The following PALLD variants were observed in gnomAD, a reference collection of about 807,000 sequenced individuals.
PALLD encodes palladin, cytoskeletal associated protein.
PALLD carries 61 observed loss-of-function variants against 123.5 expected under a neutral mutation model. The observed-to-expected ratio is 0.49, with a 90% CI of 0.40 to 0.61. The LOEUF (loss-of-function observed/expected upper bound fraction) is 0.61. Ranked by LOEUF, PALLD falls within the 20% of genes least tolerant of loss-of-function variation. PALLD has a pLI of 0.00. For synonymous variants in PALLD, 465 were observed against 496.4 expected, an observed-to-expected ratio of 0.94 and a Z score of 0.84; for missense variants, 1,273 against 1,377.0, an observed-to-expected ratio of 0.92 and a Z score of 1.20.
chr4:168,497,288 AT>A (rs1760846875), intron 1 of PALLD, 94 bp downstream of exon 1: 1 of 152,044 alleles, frequency 6.6e-6, no homozygotes, highest in Non-Finnish European at 1.5e-5. Context: ...TTTTCTGAAG[AT>A]ATGATACTAT....
At chr4:168,798,498 T>C (rs1049279718) in intron 10 of PALLD, among the ~76,000 whole-genome samples, 1 of 152,170 alleles carries the variant, frequency 6.6e-6, no homozygotes, top group Non-Finnish European at 1.5e-5. Flanking sequence ...TTGGTAAAAT[T>C]TTCTTACCGC....
At chr4:168,773,306 C>T (rs555445676) in intron 10 of PALLD, among the ~76,000 whole-genome samples, 1 of 152,304 alleles carries the variant, frequency 6.6e-6, no homozygotes, top group South Asian at 2.1e-4. Context: ...AATGGAAACA[C>T]ACTCTGAACA....
intron 18 of PALLD, among the ~76,000 whole-genome samples, chr4:168,923,291 G>C (rs1253874012): frequency 6.6e-6 from 1 of 152,226 alleles, no homozygotes; most frequent in African/African-American, 2.4e-5. Context: ...TGGTGTTGGA[G>C]AGTATTAAGC....
chr4:168,529,242 C>T (rs993324238), intron 2 of PALLD, among the ~76,000 whole-genome samples: 4 of 151,528 alleles, frequency 2.6e-5, no homozygotes, highest in Non-Finnish European at 4.4e-5. Flanking sequence ...GAGACTAAGG[C>T]AAGAGAATTG....
At chr4:168,849,968 C>T (rs912088145) in intron 10 of PALLD, among the ~76,000 whole-genome samples, 1 of 152,086 alleles carries the variant, frequency 6.6e-6, no homozygotes, top group Admixed American at 6.5e-5. Flanking sequence ...TGCATTTGCT[C>T]ATCTTTGGTG....
intron 2 of PALLD, among the ~76,000 whole-genome samples, chr4:168,591,055 T>G (rs955262153): frequency 3.3e-5 from 5 of 151,948 alleles, no homozygotes; most frequent in Admixed American, 2.6e-4. Flanking sequence ...AATTTTGCAC[T>G]TTTAGTAGAG....
intron 10 of PALLD, among the ~76,000 whole-genome samples, chr4:168,826,107 A>C (rs1050703027): frequency 1.3e-5 from 2 of 152,176 alleles, no homozygotes; most frequent in African/African-American, 4.8e-5. Context: ...AATTCTCACT[A>C]TGCCTCTTTA....
intron 10 of PALLD, among the ~76,000 whole-genome samples, chr4:168,841,312 G>C (rs913978072): frequency 6.6e-6 from 1 of 152,168 alleles, no homozygotes; most frequent in African/African-American, 2.4e-5. Flanking sequence ...TGCATCAAGG[G>C]CAACTGCAGA....
rs1359263833 is a variant in PALLD at position 168,869,987 on chromosome 4, G to A, written c.1965-20935G>A. On this transcript the variant is annotated intron_variant, in intron 10 of 21. Transcript: ENST00000505667. The surrounding 1 kb of genome is among the most constrained non-coding windows in gnomAD (Gnocchi z 4.5). ...TTGTTAGTGATGTCAAGGGAGAAGAGTGCTTCAAGAAAGATGGAGTGGGTG... is the reference window on the plus strand; with the variant it reads ...TTGTTAGTGATGTCAAGGGAGAAGAATGCTTCAAGAAAGATGGAGTGGGTG... 2.6e-5 allele frequency among the ~76,000 whole-genome samples: 4 copies of A among 152,212 alleles called. No individual in the cohort carries two copies. Among genetic ancestry groups the A allele is most frequent in the African/African-American group, 9.7e-5 (4 of 41,444 alleles).
intron 10 of PALLD, among the ~76,000 whole-genome samples, chr4:168,807,727 T>TA (rs1370039095): frequency 9.2e-5 from 14 of 151,996 alleles, no homozygotes; most frequent in Non-Finnish European, 1.6e-4. Context: ...TCCTTTGAGA[T>TA]AGAGTTTCAC....
intron 1 of PALLD, among the ~76,000 whole-genome samples, chr4:168,504,185 T>G (rs62333822): frequency 0.087 from 13,220 of 152,194 alleles, 836 homozygotes; most frequent in Non-Finnish European, 0.12. Flanking sequence ...AACTTACTAT[T>G]CCAGGAAAGG....
intron 2 of PALLD, among the ~76,000 whole-genome samples, chr4:168,593,041 G>T (rs1415641234): frequency 6.6e-6 from 1 of 151,670 alleles, no homozygotes; most frequent in Non-Finnish European, 1.5e-5. Context: ...AGTCAACTAT[G>T]CAAAAATTAC....
intron 9 of PALLD, among the ~76,000 whole-genome samples, chr4:168,710,374 A>G (rs1204176304): frequency 6.6e-6 from 1 of 151,944 alleles, no homozygotes; most frequent in East Asian, 1.9e-4. Context: ...ATTCATCTTA[A>G]AGATATTTTT....
At chr4:168,783,480 G>A (rs186966782) in intron 10 of PALLD, among the ~76,000 whole-genome samples, 99 of 152,196 alleles carry the variant, frequency 6.5e-4, no homozygotes, top group African/African-American at 2.2e-3. Context: ...CTAGGGGAGA[G>A]GTGATGAGAC....
rs1762556831 is a variant in PALLD, at chr4:168,511,855, T to G, written c.351T>G (p.Val117=). Residue 117 remains valine, a synonymous_variant, in exon 2 of 22, where the codon GTT becomes GTG. Coordinates refer to ENST00000505667, the MANE Select transcript of PALLD (RefSeq NM_001166108.2). The part of the protein sequence containing the change: ...EKQTKSISSP[V]SKRKPAMSPL... ...AAACTAAGAGTATCTCTTCACCTGTTTCAAAGAGGAAACCTGCCATGTCAC... is the reference window on the plus strand; with the variant it reads ...AAACTAAGAGTATCTCTTCACCTGTGTCAAAGAGGAAACCTGCCATGTCAC... The G allele has an allele frequency of 6.2e-7, 1 of 1,614,058 alleles. No individual in the cohort carries two copies. Among genetic ancestry groups the G allele is most frequent in the Non-Finnish European group, 8.5e-7 (1 of 1,179,972 alleles).
At chr4:168,706,086 ATGT>A (rs1784203515) in intron 8 of PALLD, among the ~76,000 whole-genome samples, 1 of 152,184 alleles carries the variant, frequency 6.6e-6, no homozygotes, top group African/African-American at 2.4e-5. Flanking sequence ...TGTATGCTTA[ATGT>A]TGTGCAGCAG....
At chr4:168,519,712 G>C (rs1444482189) in intron 2 of PALLD, among the ~76,000 whole-genome samples, 1 of 151,956 alleles carries the variant, frequency 6.6e-6, no homozygotes, top group Non-Finnish European at 1.5e-5. Context: ...GACCTGGTTA[G>C]GACTAGTGAG....
chr4:168,927,561 A>G lies in PALLD; in HGVS notation c.*1381A>G. On this transcript the variant is annotated 3_prime_UTR_variant, in exon 22 of 22. Transcript: ENST00000505667. ...GTCTACTTGAAGGAAGTGGAGACATAAGGAGAGACAAAAACAGGTTTGTGC... is the reference window on the plus strand; with the variant it reads ...GTCTACTTGAAGGAAGTGGAGACATGAGGAGAGACAAAAACAGGTTTGTGC... 4.3e-6 allele frequency: 1 copy of G among 230,608 alleles called. No individual in the cohort carries two copies. The allele number at this position is 230,608 out of a possible 1,614,324, so 14.3% of individuals were successfully genotyped here. A position where few individuals can be genotyped will look rare whatever the true frequency, so the allele number is the denominator to read the frequency against.
Position 168,683,019 on chromosome 4 carries a change from T to C in PALLD, c.1176T>C (p.Ser392=), listed in dbSNP as rs1781705899. The C allele has an allele frequency of 6.2e-7, 1 of 1,610,510 alleles. No individual in the cohort carries two copies. The highest frequency in any genetic ancestry group is 8.5e-7 in the Non-Finnish European group (1 of 1,176,942). Residue 392 remains serine, a synonymous_variant, in exon 5 of 22, where the codon TCT becomes TCC. Coordinates refer to ENST00000505667, the MANE Select transcript of PALLD (RefSeq NM_001166108.2). ...CCAGAGCTCAAAAGAAAACAACTTC[T>C]GTTTCCTTGACAATAGGATCATCAT... ...AMPQAQKKTT[S]VSLTIGSSSP... is the part of the protein sequence containing the mutation.
Sources: allele counts gnomAD v4.1 joint callset (sites outside exome capture counted in the v4.1 genomes callset), GRCh38; gene constraint gnomAD v4.1.1; non-coding constraint Gnocchi (gnomAD v3.1); transcripts MANE v1.5; gene names NCBI Gene and HGNC (gene_info 2026-07-23, HGNC 2026-07-21).